G2E3: variants seen among roughly 807,000 people sequenced by gnomAD.
The protein encoded by G2E3 is G2/M phase-specific E3 ubiquitin-protein ligase.
G2E3 carries 35 observed loss-of-function variants against 92.8 expected under a neutral mutation model. That is an observed-to-expected ratio of 0.38 (90% CI 0.29 to 0.50). The LOEUF (loss-of-function observed/expected upper bound fraction) is 0.50. G2E3 is among the 20% of genes least tolerant of loss of function. G2E3 has a pLI of 0.94. For missense variants in G2E3, 554 were observed against 823.8 expected (o/e 0.67, Z 4.01); for synonymous variants, 242 against 272.4 (o/e 0.89, Z 1.10).
intron 1 of G2E3, among the ~76,000 whole-genome samples, chr14:30,577,214 ACT>A (rs1434090036): frequency 2.8e-4 from 33 of 119,952 alleles, no homozygotes; most frequent in African/African-American, 1.2e-3. Context: ...ACAGAGCAAG[ACT>A]CTGTCTCAAA....
At chr14:30,568,926 G>A (rs1419442071) in intron 1 of G2E3, among the ~76,000 whole-genome samples, 1 of 151,744 alleles carries the variant, frequency 6.6e-6, no homozygotes, top group Non-Finnish European at 1.5e-5. Flanking sequence ...TTACTGTCTG[G>A]TGTCCCATTA....
At chr14:30,573,624 G>A (rs1364574574) in intron 1 of G2E3, 1 of 152,074 alleles carries the variant, frequency 6.6e-6, no homozygotes, top group African/African-American at 2.4e-5. Flanking sequence ...TTCCAGTCCG[G>A]ATCTGAAGGC....
intron 3 of G2E3, among the ~76,000 whole-genome samples, chr14:30,588,895 ATT>A (rs1232793669): frequency 4.6e-5 from 7 of 152,152 alleles, no homozygotes; most frequent in Non-Finnish European, 7.4e-5. Context: ...AAAATCAAAC[ATT>A]TATGTTAACT....
rs146315397 is a variant in G2E3, at chr14:30,583,404, G to A, written c.37+2288G>A. 1.8e-4 allele frequency among the ~76,000 whole-genome samples: 28 copies of A among 152,040 alleles called. No homozygotes were observed. In the East Asian group the frequency reaches 5.4e-3, roughly 29 times the overall value. ...TATGATGAGGAAATGGAGTCATAAA[G>A]CACTAGTGAAGTAAGCTAGTCATGG... On this transcript the variant is annotated intron_variant, in intron 2 of 14. Coordinates refer to ENST00000206595, the MANE Select transcript of G2E3 (RefSeq NM_017769.5).
intron 13 of G2E3, 133 bp downstream of exon 13, chr14:30,612,512 A>T (rs1882141632): frequency 1.7e-6 from 1 of 605,872 alleles, no homozygotes; most frequent in Admixed American, 3.4e-5. Flanking sequence ...CTATTTTTAA[A>T]TAATAACTTA....
chr14:30,560,533 C>T, intron 1 of G2E3: 1 of 448,266 alleles, frequency 2.2e-6, no homozygotes, highest in Non-Finnish European at 3.9e-6. Flanking sequence ...GAGCATTTTT[C>T]ATATAGTGTC....
At chr14:30,578,040 T>C (rs1344359047) in intron 1 of G2E3, among the ~76,000 whole-genome samples, 1 of 152,168 alleles carries the variant, frequency 6.6e-6, no homozygotes, top group Non-Finnish European at 1.5e-5. Flanking sequence ...ATTCATATTC[T>C]TGAAGGAAAA....
intron 5 of G2E3, 121 bp downstream of exon 5, chr14:30,592,568 A>G (rs1219904965): frequency 7.2e-6 from 5 of 695,556 alleles, no homozygotes; most frequent in African/African-American, 1.9e-5. Flanking sequence ...TAGATATAAC[A>G]TTATATGTAT....
At chr14:30,601,917 T>C (rs898284528) in intron 9 of G2E3, 23 bp downstream of exon 9, 5 of 1,608,016 alleles carry the variant, frequency 3.1e-6, no homozygotes, top group Non-Finnish European at 4.3e-6. Context: ...TAATTTTGAA[T>C]AAAGTTTTTA....
chr14:30,564,076 A>G (rs1375798683), intron 1 of G2E3, among the ~76,000 whole-genome samples: 5 of 152,172 alleles, frequency 3.3e-5, no homozygotes, highest in Admixed American at 6.5e-5. Context: ...TAACTTTTAA[A>G]CAAGTATCTG....
intron 1 of G2E3, among the ~76,000 whole-genome samples, chr14:30,570,313 C>G (rs1198441055): frequency 1.3e-5 from 2 of 152,060 alleles, no homozygotes; most frequent in South Asian, 2.1e-4. Flanking sequence ...AGAATTTGTC[C>G]TGATTAAAGA....
intron 1 of G2E3, among the ~76,000 whole-genome samples, chr14:30,567,111 TA>T (rs1459260767): frequency 1.3e-5 from 2 of 152,194 alleles, no homozygotes; most frequent in African/African-American, 4.8e-5. Flanking sequence ...TCTATGTTCA[TA>T]AGAGATAATT....
intron 1 of G2E3, among the ~76,000 whole-genome samples, chr14:30,578,689 T>G (rs1265196983): frequency 6.6e-6 from 1 of 152,230 alleles, no homozygotes; most frequent in Admixed American, 6.5e-5. Flanking sequence ...GTACTATTTA[T>G]CATGTGTTTA....
chr14:30,619,056 A>T lies in G2E3; in HGVS notation c.*2522A>T, dbSNP rs1359533228. The T allele has an allele frequency of 6.6e-6, 1 of 152,114 alleles. No individual in the cohort carries two copies. The highest frequency in any genetic ancestry group is 1.5e-5 in the Non-Finnish European group (1 of 67,954). The allele number at this position is 152,114 out of a possible 1,614,324, so 9.4% of individuals were successfully genotyped here. A position where few individuals can be genotyped will look rare whatever the true frequency, so the allele number is the denominator to read the frequency against. ...TTAGTTTGATATTCATTGTTTTTAA[A>T]CACTTTCCAATATGGAAACTTTAAC... On this transcript the variant is annotated 3_prime_UTR_variant, in exon 15 of 15. Coordinates refer to ENST00000206595, the MANE Select transcript of G2E3 (RefSeq NM_017769.5).
chr14:30,560,551 CAG>C (rs1253778864), intron 1 of G2E3: 3 of 481,610 alleles, frequency 6.2e-6, no homozygotes, highest in Non-Finnish European at 1.1e-5. Flanking sequence ...GTCTTTGTAA[CAG>C]AGACATTGGC....
chr14:30,597,912 C>T (rs910257811), intron 7 of G2E3, among the ~76,000 whole-genome samples: 75 of 151,906 alleles, frequency 4.9e-4, no homozygotes, highest in African/African-American at 1.8e-3. Context: ...AATTAAAAAT[C>T]GAAAGTGAAA....
At chr14:30,561,395 C>T (rs943821528) in intron 1 of G2E3, among the ~76,000 whole-genome samples, 7 of 152,210 alleles carry the variant, frequency 4.6e-5, no homozygotes, top group Admixed American at 3.9e-4. Context: ...ATAAGTATCT[C>T]TGATGGCTTC....
chr14:30,576,810 A>G (rs1303590283), intron 1 of G2E3, among the ~76,000 whole-genome samples: 1 of 152,062 alleles, frequency 6.6e-6, no homozygotes, highest in Non-Finnish European at 1.5e-5. Context: ...TATAGCAAGA[A>G]TGTTCATTTC....
intron 4 of G2E3, chr14:30,590,769 T>G (rs1272688076): frequency 4.4e-6 from 2 of 455,388 alleles, no homozygotes; most frequent in Non-Finnish European, 8.8e-6. Flanking sequence ...AAACGTGAGA[T>G]ATTAGTATCA....
Sources: gnomAD v4.1 joint callset for allele counts (sites outside exome capture counted in the v4.1 genomes callset) on GRCh38, gnomAD v4.1.1 for gene constraint, MANE v1.5 for transcripts, NCBI Gene and HGNC (gene_info 2026-07-23, HGNC 2026-07-21) for gene names.